Variants in ARMH4 observed in about 807,000 individuals in gnomAD.
ARMH4 encodes armadillo like helical domain containing 4.
Under a neutral mutation model 61.9 loss-of-function variants are expected in ARMH4, and 49 were observed. That is an observed-to-expected ratio of 0.79 (90% confidence interval 0.63 to 1.00). The LOEUF is 1.00. Ranked by LOEUF, ARMH4 falls within the 50% of genes least tolerant of loss-of-function variation. ARMH4 has a pLI of 0.00. For synonymous variants in ARMH4, 368 were observed against 341.5 expected (o/e 1.08, Z -0.85); for missense variants, 934 against 930.0 (o/e 1.00, Z -0.06).
intron 5 of ARMH4, among the ~76,000 whole-genome samples, chr14:58,031,094 C>T (rs983860608): frequency 6.6e-6 from 1 of 152,132 alleles, no homozygotes; most frequent in Non-Finnish European, 1.5e-5. Flanking sequence ...GTACCAGGTA[C>T]TGGGCCAGAA....
At position 58,001,240 on chromosome 14, in the gene ARMH4, C is replaced by A. The variant is rs1881973627; in HGVS notation, c.*3496G>T. On this transcript the variant is annotated 3_prime_UTR_variant, in exon 8 of 8. Transcript: ENST00000267485. ...CTACTGTATGTATATACCACATTTTCTTTATCCATTCATCTATTGATAGAT... is the reference window on the plus strand; with the variant it reads ...CTACTGTATGTATATACCACATTTTATTTATCCATTCATCTATTGATAGAT... 6.6e-6 allele frequency: 1 copy of A among 152,136 alleles called. No individual in the cohort carries two copies. The highest frequency in any genetic ancestry group is 2.1e-4 in the South Asian group (1 of 4,820). 9.4% of individuals were successfully genotyped at this position (152,136 alleles called of 1,614,324 possible). A position where few individuals can be genotyped will look rare whatever the true frequency, so the allele number is the denominator to read the frequency against.
intron 5 of ARMH4, among the ~76,000 whole-genome samples, chr14:58,080,866 C>A (rs1340023248): frequency 2.0e-5 from 3 of 152,064 alleles, no homozygotes; most frequent in Non-Finnish European, 4.4e-5. Context: ...CTTTGGGAGG[C>A]CGAGGCGGGC....
intron 1 of ARMH4, among the ~76,000 whole-genome samples, chr14:58,143,813 A>G (rs1887645635): frequency 7.7e-6 from 1 of 129,174 alleles, no homozygotes; most frequent in African/African-American, 3.2e-5. Flanking sequence ...TTGCTCTGTC[A>G]CCCAGGTCGG....
At chr14:58,014,940 A>C (rs1460227591) in intron 5 of ARMH4, among the ~76,000 whole-genome samples, 1 of 152,186 alleles carries the variant, frequency 6.6e-6, no homozygotes, top group African/African-American at 2.4e-5. Context: ...AGAGAGGTGG[A>C]GGCAGGAATG....
chr14:58,071,191 T>C (rs1394740585), intron 5 of ARMH4, among the ~76,000 whole-genome samples: 1 of 150,668 alleles, frequency 6.6e-6, no homozygotes, highest in Non-Finnish European at 1.5e-5. Flanking sequence ...GTAATAATTA[T>C]AATAAGGAAC....
intron 7 of ARMH4, 54 bp from the exon 8 acceptor site, chr14:58,004,858 G>A: frequency 6.4e-7 from 1 of 1,566,056 alleles, no homozygotes; most frequent in Non-Finnish European, 8.8e-7. Context: ...GAGCAAAGCT[G>A]AGAAACAGGC....
At chr14:58,080,129 A>T (rs1043492426) in intron 5 of ARMH4, among the ~76,000 whole-genome samples, 5 of 150,158 alleles carry the variant, frequency 3.3e-5, no homozygotes, top group Admixed American at 6.7e-5. Context: ...ATATATATAT[A>T]TATAAAATTT....
chr14:58,020,301 T>G (rs10136424), intron 5 of ARMH4, among the ~76,000 whole-genome samples: 82,072 of 151,916 alleles, frequency 0.54, 22,333 homozygotes, highest in East Asian at 0.67. Context: ...GAGTTCTGGA[T>G]ATGGGGGATA....
rs1882057958 is a variant in ARMH4 at position 58,003,701 on chromosome 14, G to A, written c.*1035C>T. On this transcript the variant is annotated 3_prime_UTR_variant, in exon 8 of 8. Transcript: ENST00000267485. ...GAGAGGCTGGTTTCCCATGAGCTCT[G>A]TTGTTCACCAGGACTCTGGCCACTG... is the stretch of plus-strand genomic sequence containing the variant. 1 of 152,202 alleles carries A rather than the reference G, an allele frequency of 6.6e-6. No homozygotes were observed. The highest frequency in any genetic ancestry group is 2.1e-4 in the South Asian group (1 of 4,826). The allele number at this position is 152,202 out of a possible 1,614,324, so 9.4% of individuals were successfully genotyped here.
At chr14:58,074,115 A>AT in intron 5 of ARMH4, among the ~76,000 whole-genome samples, 1 of 152,338 alleles carries the variant, frequency 6.6e-6, no homozygotes, top group Middle Eastern at 3.4e-3. Context: ...GAAACCTGAA[A>AT]TTCACCTTGA....
intron 4 of ARMH4, among the ~76,000 whole-genome samples, chr14:58,102,991 G>C (rs1240625295): frequency 1.3e-5 from 2 of 151,782 alleles, no homozygotes; most frequent in Non-Finnish European, 2.9e-5. Context: ...AAATTAGCTG[G>C]ACGTGGTGAT....
At chr14:58,054,395 A>G (rs777728603) in intron 5 of ARMH4, among the ~76,000 whole-genome samples, 82 of 152,222 alleles carry the variant, frequency 5.4e-4, no homozygotes, top group Admixed American at 2.9e-3. Context: ...CATACTGAAT[A>G]GGCAGTGAAG....
At chr14:58,073,035 G>A (rs957717582) in intron 5 of ARMH4, among the ~76,000 whole-genome samples, 1 of 152,144 alleles carries the variant, frequency 6.6e-6, no homozygotes, top group Admixed American at 6.5e-5. Flanking sequence ...TAAGCAGAAG[G>A]GACGATATCA....
intron 5 of ARMH4, among the ~76,000 whole-genome samples, chr14:58,025,644 C>T (rs1207372376): frequency 3.3e-5 from 5 of 151,794 alleles, no homozygotes; most frequent in Admixed American, 3.3e-4. Flanking sequence ...ATGTTTTTTC[C>T]AACTTATATA....
At chr14:58,027,516 T>A (rs954027837) in intron 5 of ARMH4, among the ~76,000 whole-genome samples, 2 of 151,774 alleles carry the variant, frequency 1.3e-5, no homozygotes, top group African/African-American at 4.8e-5. Context: ...TTGAAAGTCA[T>A]AGGCTATCTC....
chr14:58,028,391 C>G (rs1447069233), intron 5 of ARMH4, among the ~76,000 whole-genome samples: 4 of 152,200 alleles, frequency 2.6e-5, no homozygotes, highest in Admixed American at 2.6e-4. Flanking sequence ...ACATTAATCT[C>G]TGAGTTGGGG....
At chr14:58,034,743 G>A (rs1883411154) in intron 5 of ARMH4, among the ~76,000 whole-genome samples, 1 of 45,312 alleles carries the variant, frequency 2.2e-5, no homozygotes, top group Non-Finnish European at 4.9e-5. Flanking sequence ...AAAAAGGCAG[G>A]GGTTGCAATC....
At chr14:58,073,046 C>T (rs1369784220) in intron 5 of ARMH4, among the ~76,000 whole-genome samples, 1 of 152,194 alleles carries the variant, frequency 6.6e-6, no homozygotes, top group East Asian at 1.9e-4. Flanking sequence ...GACGATATCA[C>T]ATACATTTGC....
intron 5 of ARMH4, among the ~76,000 whole-genome samples, chr14:58,075,220 A>G (rs531751875): frequency 3.3e-5 from 5 of 152,352 alleles, no homozygotes; most frequent in African/African-American, 1.2e-4. Flanking sequence ...ATCTAGAACT[A>G]GAAATACCAT....
Sources: allele counts gnomAD v4.1 joint callset (sites outside exome capture counted in the v4.1 genomes callset), GRCh38; gene constraint gnomAD v4.1.1; transcripts MANE v1.5; gene names NCBI Gene and HGNC (gene_info 2026-07-23, HGNC 2026-07-21).